The following NAA10 variants were observed in gnomAD, a reference collection of about 807,000 sequenced individuals.
NAA10 encodes N-alpha-acetyltransferase 10, NatA catalytic subunit, also known as N-alpha-acetyltransferase 10.
In NAA10, 6 loss-of-function variants were observed where a neutral mutation model predicts 19.2. The observed-to-expected ratio is 0.31, with a 90% confidence interval of 0.17 to 0.62. NAA10 has a LOEUF of 0.62. Among genes scored for constraint, NAA10 ranks in the 20% least tolerant of loss-of-function variants. NAA10 has a pLI of 0.83. For missense variants in NAA10, 101 were observed against 198.4 expected (o/e 0.51, Z 2.95); for synonymous variants, 97 against 79.9 (o/e 1.21, Z -1.14).
chrX:153,931,847 C>T, intron 6 of NAA10: 1 of 1,105,006 alleles, frequency 9.0e-7, no homozygotes, highest in South Asian at 2.2e-5. Context: ...TCCATCACAA[C>T]ACATGGAGCA....
chrX:153,932,608 T>C lies in NAA10; in HGVS notation c.180-24A>G, dbSNP rs1557107601. Reference sequence around the variant, plus strand: ...CCCTGGAGAGGGAGAAAGGAGAGGCTGCAAAGGAGCTCAGTGTAGGCACAG... The same window carrying C: ...CCCTGGAGAGGGAGAAAGGAGAGGCCGCAAAGGAGCTCAGTGTAGGCACAG... On this transcript the variant is annotated intron_variant, in intron 3 of 7. Transcript: ENST00000464845. The C allele has an allele frequency of 5.9e-6, 7 of 1,188,983 alleles. No homozygotes were observed. The South Asian group carries it at 1.3e-4, about 22-fold the overall frequency.
chrX:153,932,889 A>C (rs2065174949), intron 3 of NAA10: 1 of 338,912 alleles, frequency 3.0e-6, no homozygotes, highest in Non-Finnish European at 5.2e-6. Context: ...TCTCTACAAA[A>C]AAAAAATCAA....
At position 153,930,230 on chromosome X, in the gene NAA10, C is replaced by T. The variant is rs782607497; in HGVS notation, c.472-7G>A. The T allele has an allele frequency of 8.4e-7, 1 of 1,195,528 alleles. No individual in the cohort carries two copies. The highest frequency in any genetic ancestry group is 1.8e-5 in the African/African-American group (1 of 56,823). ...GCTCCAGGTGCCGCCTCAGCTGCCA[C>T]CAGGAACCCAGGGAGAAGCGGGGGC... On this transcript the variant is annotated splice_region_variant and splice_polypyrimidine_tract_variant and intron_variant, in intron 7 of 7. Coordinates refer to ENST00000464845, the MANE Select transcript of NAA10 (RefSeq NM_003491.4).
At chrX:153,934,069 A>G in intron 2 of NAA10, 68 bp from the exon 3 acceptor site, 1 of 1,031,615 alleles carries the variant, frequency 9.7e-7, no homozygotes, top group Non-Finnish European at 1.4e-6. Context: ...GAGGGACACA[A>G]ACTGGACGAG....
chrX:153,934,748 G>A, intron 1 of NAA10, 136 bp downstream of exon 1: 1 of 769,304 alleles, frequency 1.3e-6, no homozygotes. Context: ...GGCTGGGCCA[G>A]CCCCATAGGT....
intron 4 of NAA10, 32 bp downstream of exon 4, chrX:153,932,507 C>T (rs782066279): frequency 8.3e-7 from 1 of 1,201,167 alleles, no homozygotes; most frequent in African/African-American, 1.7e-5. Context: ...CACTTCCACC[C>T]CCACCAGAGA....
intron 1 of NAA10, 27 bp downstream of exon 1, chrX:153,934,857 G>C (rs1488885768): frequency 1.0e-6 from 1 of 995,056 alleles, no homozygotes; most frequent in African/African-American, 2.0e-5. Flanking sequence ...CACGCGGCGC[G>C]GACAGCCTCC....
chrX:153,932,704 G>A (rs2065173926), intron 3 of NAA10, 120 bp from the exon 4 acceptor site: 3 of 672,906 alleles, frequency 4.5e-6, no homozygotes, highest in Non-Finnish European at 7.0e-6. Context: ...AGCTGGGGGA[G>A]AGCCGGGAGC....
Position 153,934,965 on chromosome X carries a change from C to T in NAA10, c.-61G>A. The T allele has an allele frequency of 1.1e-6, 1 of 943,229 alleles. No homozygotes were observed. The highest frequency in any genetic ancestry group is 1.3e-6 in the Non-Finnish European group (1 of 749,207). The allele number at this position is 943,229 out of a possible 1,213,427, so 77.7% of individuals were successfully genotyped here. A position where few individuals can be genotyped will look rare whatever the true frequency, so the allele number is the denominator to read the frequency against. ...GAAGGCGCAGTCAGCTGCCGCCGCGCTCCGAAGCGACGCCGGGACGGCCGG... is the reference window on the plus strand; with the variant it reads ...GAAGGCGCAGTCAGCTGCCGCCGCGTTCCGAAGCGACGCCGGGACGGCCGG... On this transcript the variant is annotated 5_prime_UTR_variant, in exon 1 of 8. Transcript: ENST00000464845.
At chrX:153,931,462 C>A in intron 6 of NAA10, 1 of 808,705 alleles carries the variant, frequency 1.2e-6, no homozygotes, top group Admixed American at 6.8e-5. Context: ...TCTTCATCCC[C>A]TACCAAACGG....
rs1339748139 is a variant in NAA10, at chrX:153,934,942, A to G, written c.-38T>C. The stretch of plus-strand genomic sequence containing the variant: ...GCTCGCGGGTCCCAGCGGATCGTGA[A>G]GGCGCAGTCAGCTGCCGCCGCGCTC... On this transcript the variant is annotated 5_prime_UTR_variant, in exon 1 of 8. Coordinates refer to ENST00000464845, the MANE Select transcript of NAA10 (RefSeq NM_003491.4). 1 of 982,234 alleles carries G rather than the reference A, an allele frequency of 1.0e-6. No individual in the cohort carries two copies. The highest frequency in any genetic ancestry group is 4.9e-5 in the East Asian group (1 of 20,210). The allele number at this position is 982,234 out of a possible 1,213,427, so 80.9% of individuals were successfully genotyped here. A position where few individuals can be genotyped will look rare whatever the true frequency, so the allele number is the denominator to read the frequency against.
chrX:153,929,958 C>T lies in NAA10; in HGVS notation c.*29G>A, dbSNP rs1557107097. 5 of 1,149,973 alleles carry T rather than the reference C, an allele frequency of 4.3e-6. No individual in the cohort carries two copies. In the South Asian group the frequency reaches 7.2e-5, roughly 17 times the overall value. 94.8% of individuals were successfully genotyped at this position (1,149,973 alleles called of 1,213,427 possible). On this transcript the variant is annotated 3_prime_UTR_variant, in exon 8 of 8. Coordinates refer to ENST00000464845, the MANE Select transcript of NAA10 (RefSeq NM_003491.4). The stretch of plus-strand genomic sequence containing the variant: ...ACGGAGCGAATTTATTGTGAAAGCT[C>T]GTGGGGTGAGGAGGGGATGGGGCAG...
In NAA10 at chrX:153,929,521, A is replaced by C. The variant is rs1368674866; in HGVS notation, c.*466T>G. Reference sequence around the variant, plus strand: ...GCCCAATGAGCAGTTGGATGTCCACATCTGGAGCCCACGGGTATGCTGGGG... The same window carrying C: ...GCCCAATGAGCAGTTGGATGTCCACCTCTGGAGCCCACGGGTATGCTGGGG... On this transcript the variant is annotated 3_prime_UTR_variant, in exon 8 of 8. Coordinates refer to ENST00000464845, the MANE Select transcript of NAA10 (RefSeq NM_003491.4). 1 of 146,942 alleles carries C rather than the reference A, an allele frequency of 6.8e-6. No homozygotes were observed. The highest frequency in any genetic ancestry group is 1.3e-5 in the Non-Finnish European group (1 of 75,019). 12.1% of individuals were successfully genotyped at this position (146,942 alleles called of 1,213,427 possible).
In NAA10 at chrX:153,929,816, C is replaced by T. The variant is rs969141148; in HGVS notation, c.*171G>A. The T allele has an allele frequency of 3.2e-5, 15 of 467,441 alleles. No homozygotes were observed. The highest frequency in any genetic ancestry group is 5.2e-5 in the Non-Finnish European group (14 of 268,211). 38.5% of individuals were successfully genotyped at this position (467,441 alleles called of 1,213,427 possible). Reference sequence around the variant, plus strand: ...CCACCTCCAAAGCTCTTTCCTTGTACTCGGGCCTGGCAGGATGCTCTGGGT... The same window carrying T: ...CCACCTCCAAAGCTCTTTCCTTGTATTCGGGCCTGGCAGGATGCTCTGGGT... On this transcript the variant is annotated 3_prime_UTR_variant, in exon 8 of 8. Transcript: ENST00000464845.
At chrX:153,931,380 C>G in intron 6 of NAA10, 1 of 827,425 alleles carries the variant, frequency 1.2e-6, no homozygotes, top group Non-Finnish European at 1.5e-6. Context: ...CACCAGACAT[C>G]GTCATCTGGG....
intron 6 of NAA10, 131 bp downstream of exon 6, chrX:153,931,940 T>C (rs1287065548): frequency 2.5e-6 from 3 of 1,196,845 alleles, no homozygotes. Flanking sequence ...CTGGCAGTGC[T>C]GGGGTCCACA....
intron 3 of NAA10, 130 bp from the exon 4 acceptor site, chrX:153,932,714 C>A: frequency 1.6e-6 from 1 of 644,740 alleles, no homozygotes; most frequent in Non-Finnish European, 2.5e-6. Context: ...GAGCCGGGAG[C>A]CTCTTGGATC....
rs1472783499 is a variant in NAA10 at position 153,930,190 on chromosome X, T to G, written c.505A>C (p.Arg169=). The stretch of plus-strand genomic sequence containing the variant: ...TCGATGGCACCCAGCACCACGTGCC[T>G]GCCCTTCTCTTTCAGCTCCAGGTGC... ...RRHLELKEKG[R]HVVLGAIENK... The change falls in exon 8 of 8, where the codon AGG becomes CGG. Residue 169 remains arginine, a synonymous_variant. Coordinates refer to ENST00000464845, the MANE Select transcript of NAA10 (RefSeq NM_003491.4). 1.7e-6 allele frequency: 2 copies of G among 1,211,194 alleles called. No homozygotes were observed. The highest frequency in any genetic ancestry group is 2.2e-6 in the Non-Finnish European group (2 of 895,258).
In NAA10 at chrX:153,930,179, C is replaced by G. The variant is rs782108052; in HGVS notation, c.516G>C (p.Val172=). ...CCACCTTGTTCTCGATGGCACCCAG[C>G]ACCACGTGCCTGCCCTTCTCTTTCA... ...LELKEKGRHV[V]LGAIENKVES... is the part of the protein sequence containing the mutation. Residue 172 remains valine (V), a synonymous_variant, in exon 8 of 8, where the codon GTG becomes GTC. Coordinates refer to ENST00000464845, the MANE Select transcript of NAA10 (RefSeq NM_003491.4). 3 of 1,209,517 alleles carry G rather than the reference C, an allele frequency of 2.5e-6. No homozygotes were observed. In the Admixed American group the frequency reaches 6.6e-5, roughly 26 times the overall value.
Sources: allele counts gnomAD v4.1 joint callset, GRCh38; gene constraint gnomAD v4.1.1; transcripts MANE v1.5; gene names NCBI Gene and HGNC (gene_info 2026-07-23, HGNC 2026-07-21).